Variants in PSMB7 observed in about 807,000 individuals in gnomAD.
PSMB7 encodes proteasome subunit beta type-7.
Under a neutral mutation model 28.1 loss-of-function variants are expected in PSMB7, and 5 were observed. The observed-to-expected ratio is 0.18, with a 90% CI of 0.09 to 0.37. PSMB7 has a LOEUF of 0.37. Ranked by LOEUF, PSMB7 falls within the 10% of genes least tolerant of loss-of-function variation. The pLI, the probability that PSMB7 is intolerant of heterozygous loss-of-function variation, is 1.00. For missense variants in PSMB7, 275 were observed against 346.2 expected (o/e 0.79, Z 1.63); for synonymous variants, 122 against 123.7 (o/e 0.99, Z 0.09).
intron 6 of PSMB7, among the ~76,000 whole-genome samples, chr9:124,366,345 A>G (rs1830508414): frequency 6.6e-6 from 1 of 152,206 alleles, no homozygotes; most frequent in Non-Finnish European, 1.5e-5. Flanking sequence ...GGAGGTTGCA[A>G]TGAGCTGAGA....
intron 6 of PSMB7, among the ~76,000 whole-genome samples, chr9:124,359,958 A>G (rs1830451142): frequency 6.6e-6 from 1 of 152,236 alleles, no homozygotes. Context: ...ACAGCGTGGA[A>G]ATGACCAAAG....
At chr9:124,414,984 A>T (rs750377405) in intron 1 of PSMB7, 49 bp from the exon 2 acceptor site, 2 of 1,310,702 alleles carry the variant, frequency 1.5e-6, no homozygotes, top group Non-Finnish European at 2.2e-6. Context: ...ACCACATCGC[A>T]CAGCACTGGC....
intron 6 of PSMB7, among the ~76,000 whole-genome samples, chr9:124,382,200 CTTTTTTTT>C (rs1164339420): frequency 5.4e-5 from 3 of 55,962 alleles, no homozygotes; most frequent in Admixed American, 3.1e-4. Flanking sequence ...TCTCTTTTCT[CTTTTTTTT>C]TTTTTTTTTT....
At chr9:124,398,421 G>A in intron 5 of PSMB7, 1 of 328,112 alleles carries the variant, frequency 3.0e-6, no homozygotes, top group South Asian at 2.6e-5. Context: ...GCCCAGGCGA[G>A]TACAAAACCG....
At chr9:124,367,499 G>A (rs1468246472) in intron 6 of PSMB7, among the ~76,000 whole-genome samples, 1 of 151,988 alleles carries the variant, frequency 6.6e-6, no homozygotes, top group Non-Finnish European at 1.5e-5. Flanking sequence ...TGGGAGGAGG[G>A]GGTCTCAAAA....
chr9:124,389,307 C>G (rs139984129), intron 5 of PSMB7, among the ~76,000 whole-genome samples: 89 of 152,336 alleles, frequency 5.8e-4, no homozygotes, highest in Middle Eastern at 3.4e-3. Context: ...TACTGACGCT[C>G]TCGGTCTCAT....
At chr9:124,385,778 A>G (rs1176639844) in intron 5 of PSMB7, among the ~76,000 whole-genome samples, 1 of 152,202 alleles carries the variant, frequency 6.6e-6, no homozygotes, top group Non-Finnish European at 1.5e-5. Context: ...TGTCCTGCTG[A>G]TTTTATCAAG....
intron 2 of PSMB7, among the ~76,000 whole-genome samples, 189 bp from the exon 3 acceptor site, chr9:124,414,194 A>G (rs141580676): frequency 6.6e-6 from 1 of 152,352 alleles, no homozygotes; most frequent in African/African-American, 2.4e-5. Context: ...AGTAAATGCT[A>G]CTAATTGAAT....
rs748982933 is a variant in PSMB7, at chr9:124,356,567, C to A, written c.722+197G>T. 6.6e-6 allele frequency among the ~76,000 whole-genome samples: 1 copy of A among 152,188 alleles called. No homozygotes were observed. Among genetic ancestry groups the A allele is most frequent in the Non-Finnish European group, 1.5e-5 (1 of 68,036 alleles). ...CTCCACCTCTCCCATCAAATTAAAT[C>A]ACTTTCCTACACCTGACAGCAGCCC... On this transcript the variant is annotated intron_variant, in intron 7 of 7. Coordinates refer to ENST00000259457, the MANE Select transcript of PSMB7 (RefSeq NM_002799.4). The surrounding 1 kb of genome is among the most constrained non-coding windows in gnomAD (Gnocchi z 4.4).
At chr9:124,409,713 CAA>C (rs896930069) in intron 4 of PSMB7, among the ~76,000 whole-genome samples, 1 of 152,186 alleles carries the variant, frequency 6.6e-6, no homozygotes, top group African/African-American at 2.4e-5. Flanking sequence ...CTGTCCTCCT[CAA>C]AAGTCAGATA....
chr9:124,413,922 T>A lies in PSMB7; in HGVS notation c.240A>T (p.Ile80=), dbSNP rs1831057634. 6.2e-7 allele frequency: 1 copy of A among 1,604,874 alleles called. No individual in the cohort carries two copies. The highest frequency in any genetic ancestry group is 1.3e-5 in the African/African-American group (1 of 74,752). The change falls in exon 3 of 8, where the codon ATA becomes ATT. Residue 80 remains isoleucine (I), a synonymous_variant. Transcript: ENST00000259457. ...ADKNCSKIHF[I]SPNIYCCGAG... Reference sequence around the variant, plus strand: ...TCAATACTTACTAAATATTAGGAGATATGAAGTGTATTTTTGAACAGTTCT... The same window carrying A: ...TCAATACTTACTAAATATTAGGAGAAATGAAGTGTATTTTTGAACAGTTCT...
chr9:124,359,107 T>TTGC (rs1830443918), intron 6 of PSMB7, among the ~76,000 whole-genome samples: 4 of 152,244 alleles, frequency 2.6e-5, no homozygotes, highest in African/African-American at 9.6e-5. Flanking sequence ...ATTTTAAAAT[T>TTGC]ATATAGTTTG....
At chr9:124,370,179 T>C (rs1830546779) in intron 6 of PSMB7, among the ~76,000 whole-genome samples, 1 of 151,666 alleles carries the variant, frequency 6.6e-6, no homozygotes, top group Non-Finnish European at 1.5e-5. Context: ...ACACTCTGCC[T>C]TTGCCAGTTT....
In PSMB7 at chr9:124,370,077, G is replaced by A. The variant is rs149063566; in HGVS notation, c.571-13162C>T. 1.7e-3 allele frequency among the ~76,000 whole-genome samples: 265 copies of A among 152,234 alleles called. 1 individual carries two copies. The highest frequency in any genetic ancestry group is 6.1e-3 in the African/African-American group (252 of 41,538). Reference sequence around the variant, plus strand: ...CCCTTCACATGTCTGAAGGACCACCGTCTATCAACAGTTTACAGAGGGCTT... The same window carrying A: ...CCCTTCACATGTCTGAAGGACCACCATCTATCAACAGTTTACAGAGGGCTT... On this transcript the variant is annotated intron_variant, in intron 6 of 7. Transcript: ENST00000259457.
At chr9:124,355,781 G>A (rs988402930) in intron 7 of PSMB7, among the ~76,000 whole-genome samples, 8 of 152,182 alleles carry the variant, frequency 5.3e-5, no homozygotes, top group Non-Finnish European at 8.8e-5. Flanking sequence ...CAGTGCCAGC[G>A]TTCTCTGGCC....
intron 6 of PSMB7, among the ~76,000 whole-genome samples, chr9:124,379,233 C>G (rs62581777): frequency 0.033 from 5,090 of 152,308 alleles, 133 homozygotes; most frequent in Non-Finnish European, 0.051. Flanking sequence ...AGTGTGAACA[C>G]TAAAGGTGAA....
intron 6 of PSMB7, among the ~76,000 whole-genome samples, chr9:124,366,933 T>C (rs1234935902): frequency 6.6e-6 from 1 of 152,196 alleles, no homozygotes; most frequent in African/African-American, 2.4e-5. Flanking sequence ...TGTAAGTACA[T>C]CCTATGACAT....
intron 5 of PSMB7, among the ~76,000 whole-genome samples, chr9:124,395,232 C>T (rs1024336223): frequency 1.6e-4 from 25 of 152,118 alleles, no homozygotes; most frequent in African/African-American, 6.0e-4. Context: ...TGCCTATAAT[C>T]CCAGCACTCT....
At position 124,356,697 on chromosome 9, in the gene PSMB7, C is replaced by G; in HGVS notation, c.722+67G>C. The G allele has an allele frequency of 1.3e-6, 2 of 1,520,554 alleles. No homozygotes were observed. Among genetic ancestry groups the G allele is most frequent in the Admixed American group, 3.7e-5 (2 of 54,264 alleles). The allele number at this position is 1,520,554 out of a possible 1,614,324, so 94.2% of individuals were successfully genotyped here. ...GAACCAGGAAAACTCCATCCAGATG[C>G]CATGGAGATACCAAGGGTGGCCACG... On this transcript the variant is annotated intron_variant, in intron 7 of 7. Transcript: ENST00000259457. This position sits in a 1 kb window ranked among gnomAD's most constrained non-coding sequence, Gnocchi z 4.4.
Sources: gnomAD v4.1 joint callset for allele counts (sites outside exome capture counted in the v4.1 genomes callset) on GRCh38, gnomAD v4.1.1 for gene constraint, Gnocchi (gnomAD v3.1) non-coding constraint, MANE v1.5 for transcripts, NCBI Gene and HGNC (gene_info 2026-07-23, HGNC 2026-07-21) for gene names.